ASIC2: variants seen among roughly 807,000 people sequenced by gnomAD.
ASIC2 encodes acid sensing ion channel subunit 2.
In ASIC2, 25 loss-of-function variants were observed where a neutral mutation model predicts 57.3. The observed-to-expected ratio is 0.44, with a 90% CI of 0.32 to 0.61. The LOEUF is 0.61. ASIC2 is among the 20% of genes least tolerant of loss of function. The probability of loss-of-function intolerance (pLI) is 0.06; values close to 1 mark genes in which losing one functional copy is unlikely to be tolerated. For synonymous variants in ASIC2, 319 were observed against 307.5 expected (o/e 1.04, Z -0.39); for missense variants, 641 against 738.1 (o/e 0.87, Z 1.52).
At chr17:33,922,898 TC>T (rs1198992557) in intron 1 of ASIC2, among the ~76,000 whole-genome samples, 5 of 152,144 alleles carry the variant, frequency 3.3e-5, no homozygotes, top group Non-Finnish European at 7.3e-5. Flanking sequence ...TGGCTGGGGA[TC>T]TCTTGTCCTA....
intron 1 of ASIC2, among the ~76,000 whole-genome samples, chr17:33,945,869 A>C (rs1269390500): frequency 1.3e-5 from 2 of 152,246 alleles, no homozygotes; most frequent in East Asian, 3.8e-4. Flanking sequence ...AGTGGAATTC[A>C]TGCCCCACTG....
At chr17:33,359,968 A>C (rs887584082) in intron 1 of ASIC2, among the ~76,000 whole-genome samples, 6 of 152,214 alleles carry the variant, frequency 3.9e-5, no homozygotes, top group Admixed American at 3.9e-4. Context: ...TTTTTATCTT[A>C]TTTAAGCCAG....
chr17:34,079,870 G>C (rs1909811062), intron 1 of ASIC2, among the ~76,000 whole-genome samples: 1 of 152,154 alleles, frequency 6.6e-6, no homozygotes, highest in African/African-American at 2.4e-5. Context: ...GATAGAGGAG[G>C]CTGCACTTTT....
At chr17:33,335,549 A>G (rs1342171750) in intron 1 of ASIC2, among the ~76,000 whole-genome samples, 1 of 129,796 alleles carries the variant, frequency 7.7e-6, no homozygotes, top group Non-Finnish European at 1.7e-5. Flanking sequence ...CTACCACTCC[A>G]GGCTGAATCT....
At chr17:33,763,957 G>A (rs1002708747) in intron 1 of ASIC2, among the ~76,000 whole-genome samples, 1 of 152,146 alleles carries the variant, frequency 6.6e-6, no homozygotes, top group Admixed American at 6.5e-5. Context: ...ACTCCATCCT[G>A]GGGGCTGCCC....
At chr17:33,368,030 T>C (rs530235749) in intron 1 of ASIC2, among the ~76,000 whole-genome samples, 2 of 152,300 alleles carry the variant, frequency 1.3e-5, no homozygotes, top group South Asian at 4.2e-4. Flanking sequence ...TTTTCCAAAA[T>C]GGACTCATGG....
intron 1 of ASIC2, among the ~76,000 whole-genome samples, chr17:33,508,185 T>C (rs535530652): frequency 6.6e-5 from 10 of 151,134 alleles, no homozygotes; most frequent in Non-Finnish European, 1.2e-4. Flanking sequence ...CCCTCCTCCC[T>C]TGCTCCCTTC....
chr17:33,645,048 G>A lies in ASIC2; in HGVS notation c.555+510930C>T, dbSNP rs558622149. The stretch of plus-strand genomic sequence containing the variant: ...GAAACATTATTATAGTTTATTGCGC[G>A]TGTTCCTGGTCTCTTAGTTTGCAAA... On this transcript the variant is annotated intron_variant, in intron 1 of 9. Coordinates refer to the ASIC2 transcript ENST00000359872. Among the ~76,000 whole-genome samples, 5 of 152,100 alleles carry A rather than the reference G, an allele frequency of 3.3e-5. No homozygotes were observed. In the South Asian group the frequency reaches 6.2e-4, roughly 19 times the overall value.
chr17:33,450,710 G>A (rs910587663), intron 1 of ASIC2, among the ~76,000 whole-genome samples: 17 of 152,190 alleles, frequency 1.1e-4, no homozygotes, highest in African/African-American at 3.4e-4. Flanking sequence ...TGCACAGAAA[G>A]AGACTGCCTC....
At chr17:33,015,312 A>C (rs1204842244) in intron 9 of ASIC2, among the ~76,000 whole-genome samples, 5 of 152,158 alleles carry the variant, frequency 3.3e-5, no homozygotes, top group Non-Finnish European at 1.5e-5. Context: ...GAGTAGACTG[A>C]GTTTTGGAAG....
At chr17:33,960,102 C>A (rs2141991180) in intron 1 of ASIC2, among the ~76,000 whole-genome samples, 1 of 152,302 alleles carries the variant, frequency 6.6e-6, no homozygotes, top group Admixed American at 6.5e-5. Context: ...GCATCTGACA[C>A]CAGTGGGATA....
chr17:33,844,360 A>G (rs931132140), intron 1 of ASIC2, among the ~76,000 whole-genome samples: 1 of 152,196 alleles, frequency 6.6e-6, no homozygotes, highest in Non-Finnish European at 1.5e-5. Context: ...AGATTCTCCA[A>G]CACTGGATGG....
intron 1 of ASIC2, among the ~76,000 whole-genome samples, chr17:33,212,792 A>G (rs1456553620): frequency 6.6e-6 from 1 of 152,110 alleles, no homozygotes; most frequent in Non-Finnish European, 1.5e-5. Context: ...ATTGACTTCA[A>G]TTTGAACCAA....
chr17:33,975,712 G>A (rs556366679), intron 1 of ASIC2, among the ~76,000 whole-genome samples: 3 of 152,070 alleles, frequency 2.0e-5, no homozygotes, highest in African/African-American at 7.2e-5. Context: ...TCTCCTAGAT[G>A]CTTCCTCTCT....
chr17:34,094,492 C>T (rs1473633381), intron 1 of ASIC2, among the ~76,000 whole-genome samples: 1 of 152,200 alleles, frequency 6.6e-6, no homozygotes, highest in East Asian at 1.9e-4. Context: ...GTTCTTACAA[C>T]ATCCATGATG....
intron 3 of ASIC2, among the ~76,000 whole-genome samples, chr17:33,030,042 T>C (rs1387366611): frequency 6.6e-6 from 1 of 152,242 alleles, no homozygotes; most frequent in African/African-American, 2.4e-5. Context: ...ACACATGTAT[T>C]GTAAATATTT....
In ASIC2 at chr17:34,047,364, C is replaced by T. The variant is rs78648772; in HGVS notation, c.555+108614G>A. Among the ~76,000 whole-genome samples the T allele has an allele frequency of 2.5e-3, 377 of 152,166 alleles. 1 individual carries two copies. The highest frequency in any genetic ancestry group is 8.5e-3 in the African/African-American group (353 of 41,518). ...CCTACCGTGACATTCACCATAAACC[C>T]TCATTTCACAATGTCCCAAAACCCC... On this transcript the variant is annotated intron_variant, in intron 1 of 9. Transcript: ENST00000359872.
At chr17:33,666,078 A>G (rs1198061828) in intron 1 of ASIC2, among the ~76,000 whole-genome samples, 2 of 152,144 alleles carry the variant, frequency 1.3e-5, no homozygotes, top group Non-Finnish European at 2.9e-5. Flanking sequence ...ATGTTTCATA[A>G]ATGTCAGAAC....
intron 1 of ASIC2, among the ~76,000 whole-genome samples, chr17:33,563,148 T>C (rs928155794): frequency 1.6e-4 from 24 of 152,192 alleles, no homozygotes; most frequent in African/African-American, 5.8e-4. Flanking sequence ...AGAGTTTTGC[T>C]ACTTAAAATG....
Sources: allele counts gnomAD v4.1 joint callset (sites outside exome capture counted in the v4.1 genomes callset), GRCh38; gene constraint gnomAD v4.1.1; transcripts MANE v1.5; gene names NCBI Gene and HGNC (gene_info 2026-07-23, HGNC 2026-07-21).